Variants in MARK3 observed in about 807,000 individuals in gnomAD.
MARK3 encodes MAP/microtubule affinity-regulating kinase 3.
Under a neutral mutation model 90.1 loss-of-function variants are expected in MARK3, and 46 were observed. That is an observed-to-expected ratio of 0.51 (90% CI 0.40 to 0.65). MARK3 has a LOEUF of 0.65. Ranked by LOEUF, MARK3 falls within the 30% of genes least tolerant of loss-of-function variation. MARK3 has a pLI of 0.00. For synonymous variants in MARK3, 321 were observed against 332.6 expected, an observed-to-expected ratio of 0.97 and a Z score of 0.38; for missense variants, 818 against 947.2, an observed-to-expected ratio of 0.86 and a Z score of 1.79.
intron 1 of MARK3, 72 bp from the exon 2 acceptor site, chr14:103,405,004 T>C: frequency 8.7e-7 from 1 of 1,152,732 alleles, no homozygotes; most frequent in Non-Finnish European, 1.2e-6. Flanking sequence ...TTTCTTCAAT[T>C]AGAAGCTCTT....
At chr14:103,501,631 T>C (rs1479922514) in intron 17 of MARK3, among the ~76,000 whole-genome samples, 3 of 150,828 alleles carry the variant, frequency 2.0e-5, no homozygotes, top group African/African-American at 4.9e-5. Context: ...CCCCCACCCG[T>C]GCTGTTTCCT....
intron 3 of MARK3, chr14:103,441,594 GTCT>G (rs753324820): frequency 6.6e-6 from 1 of 152,112 alleles, no homozygotes; most frequent in Non-Finnish European, 1.5e-5. Context: ...CCTTTTTTGT[GTCT>G]TCTTTAAGAA....
chr14:103,391,408 G>A (rs987387360), intron 1 of MARK3, among the ~76,000 whole-genome samples: 1 of 151,944 alleles, frequency 6.6e-6, no homozygotes, highest in African/African-American at 2.4e-5. Context: ...TAAGAAAAAA[G>A]CAATACTTTT....
At chr14:103,488,550 A>C (rs1407860176) in intron 14 of MARK3, among the ~76,000 whole-genome samples, 2 of 148,462 alleles carry the variant, frequency 1.3e-5, no homozygotes, top group African/African-American at 4.8e-5. Context: ...CAGAATTCTC[A>C]AACAAAAATG....
intron 2 of MARK3, among the ~76,000 whole-genome samples, chr14:103,424,167 G>A (rs918415299): frequency 7.2e-5 from 11 of 151,932 alleles, no homozygotes; most frequent in African/African-American, 2.2e-4. Flanking sequence ...CCAAGATCAC[G>A]CCACTGCACT....
intron 4 of MARK3, among the ~76,000 whole-genome samples, chr14:103,449,898 A>G (rs556017639): frequency 6.6e-6 from 1 of 152,322 alleles, no homozygotes; most frequent in Admixed American, 6.5e-5. Context: ...TAGGAAATGA[A>G]AGGATTGATG....
chr14:103,498,228 G>A (rs2075452810), intron 15 of MARK3, among the ~76,000 whole-genome samples: 1 of 150,808 alleles, frequency 6.6e-6, no homozygotes, highest in South Asian at 2.1e-4. Context: ...AAAAAAGTGT[G>A]TCCATCTGAA....
intron 13 of MARK3, among the ~76,000 whole-genome samples, chr14:103,479,045 C>T (rs552566012): frequency 1.3e-5 from 2 of 152,098 alleles, no homozygotes; most frequent in Non-Finnish European, 2.9e-5. Context: ...GGGGAGGAGA[C>T]GGTCTCACTC....
At chr14:103,500,980 G>A (rs1364641602) in intron 17 of MARK3, among the ~76,000 whole-genome samples, 1 of 152,256 alleles carries the variant, frequency 6.6e-6, no homozygotes, top group East Asian at 1.9e-4. Flanking sequence ...CAATCACCAG[G>A]TAGCCTTAGG....
At chr14:103,399,143 G>T (rs925415732) in intron 1 of MARK3, among the ~76,000 whole-genome samples, 1 of 152,098 alleles carries the variant, frequency 6.6e-6, no homozygotes, top group Admixed American at 6.6e-5. Context: ...AATTTTTTAC[G>T]GACTTCCTGC....
chr14:103,479,021 T>C (rs532876345), intron 13 of MARK3, among the ~76,000 whole-genome samples: 15 of 152,300 alleles, frequency 9.8e-5, no homozygotes, highest in Admixed American at 3.9e-4. Context: ...TTTTAATTTC[T>C]TTCCTTCTTT....
At chr14:103,468,653 T>C (rs1195247643) in intron 12 of MARK3, among the ~76,000 whole-genome samples, 1 of 152,058 alleles carries the variant, frequency 6.6e-6, no homozygotes, top group African/African-American at 2.4e-5. Flanking sequence ...TTCCTGCAGG[T>C]GCTGCCATGA....
intron 2 of MARK3, among the ~76,000 whole-genome samples, chr14:103,425,330 G>T (rs1199365499): frequency 6.6e-6 from 1 of 151,820 alleles, no homozygotes; most frequent in Non-Finnish European, 1.5e-5. Flanking sequence ...CACCATCTTG[G>T]CTCACTATAA....
chr14:103,448,792 AT>A, intron 3 of MARK3, 126 bp from the exon 4 acceptor site: 1 of 914,460 alleles, frequency 1.1e-6, no homozygotes, highest in South Asian at 1.8e-5. Context: ...TTAGATATGG[AT>A]TAATAAACAT....
At chr14:103,502,525 G>C (rs2756131) in intron 17 of MARK3, among the ~76,000 whole-genome samples, 147,589 of 152,306 alleles carry the variant, frequency 0.97, 71,688 homozygotes, top group East Asian at 1. Flanking sequence ...GAGCTGGCTG[G>C]CAACTCCTTC....
At chr14:103,478,162 G>C (rs1007627329) in intron 13 of MARK3, among the ~76,000 whole-genome samples, 1 of 151,940 alleles carries the variant, frequency 6.6e-6, no homozygotes, top group Non-Finnish European at 1.5e-5. Context: ...AGGCATGGTG[G>C]CGGGCACCTG....
chr14:103,410,816 T>C (rs2091583699), intron 2 of MARK3, among the ~76,000 whole-genome samples: 1 of 152,226 alleles, frequency 6.6e-6, no homozygotes, highest in Non-Finnish European at 1.5e-5. Flanking sequence ...TGTCTGTTAA[T>C]GTAGGTTATG....
intron 2 of MARK3, among the ~76,000 whole-genome samples, chr14:103,416,925 C>A (rs1349559533): frequency 1.3e-5 from 2 of 152,148 alleles, no homozygotes; most frequent in Admixed American, 6.5e-5. Context: ...GCAAACTGAT[C>A]TGCTACGATG....
intron 10 of MARK3, 45 bp downstream of exon 10, chr14:103,466,487 A>G (rs1454706118): frequency 7.7e-7 from 1 of 1,298,016 alleles, no homozygotes; most frequent in Non-Finnish European, 1.1e-6. Flanking sequence ...TGTCTAAGTA[A>G]CATATTTCTG....
Sources: gnomAD v4.1 joint callset for allele counts (sites outside exome capture counted in the v4.1 genomes callset) on GRCh38, gnomAD v4.1.1 for gene constraint, MANE v1.5 for transcripts, NCBI Gene and HGNC (gene_info 2026-07-23, HGNC 2026-07-21) for gene names.